The following NPAP1 variants were observed in gnomAD, a reference collection of about 807,000 sequenced individuals.
NPAP1 encodes the protein nuclear pore associated protein 1, also known as nuclear pore-associated protein 1.
For synonymous variants in NPAP1, 616 were observed against 581.4 expected (o/e 1.06, Z -0.86); for missense variants, 1,483 against 1,454.5 (o/e 1.02, Z -0.32).
Position 24,676,259 on chromosome 15 carries a change from G to T in NPAP1, c.392G>T (p.Arg131Leu), listed in dbSNP as rs1049852251. The change falls in exon 1 of 1, where the codon CGT becomes CTT. Residue 131 changes from arginine to leucine, a missense_variant. Transcript: ENST00000329468. Reference sequence around the variant, plus strand: ...TTCACTCTCCTGCTGCCTTCACCACGTGAGCCGGCGGTCAAGGCCAGGAAG... The same window carrying T: ...TTCACTCTCCTGCTGCCTTCACCACTTGAGCCGGCGGTCAAGGCCAGGAAG... ...RMFTLLLPSP[R>L]EPAVKARKPI... 6.6e-7 allele frequency: 1 copy of T among 1,518,852 alleles called. No individual in the cohort carries two copies. Among genetic ancestry groups the T allele is most frequent in the Non-Finnish European group, 8.8e-7 (1 of 1,135,488 alleles). The allele number at this position is 1,518,852 out of a possible 1,614,324, so 94.1% of individuals were successfully genotyped here. A position where few individuals can be genotyped will look rare whatever the true frequency, so the allele number is the denominator to read the frequency against.
Position 24,676,560 on chromosome 15 carries a change from C to T in NPAP1, c.693C>T (p.Ser231=), listed in dbSNP as rs754734432. ...MSEKAQASPA[S]SCLEGPAMPS... ...AGAAGGCCCAGGCGTCTCCAGCGAG[C>T]TCCTGCTTGGAAGGCCCTGCCATGC... Residue 231 remains serine, a synonymous_variant, in exon 1 of 1, where the codon AGC becomes AGT. Coordinates refer to ENST00000329468, the MANE Select transcript of NPAP1 (RefSeq NM_018958.3). 5 of 1,614,086 alleles carry T rather than the reference C, an allele frequency of 3.1e-6. No homozygotes were observed. The highest frequency in any genetic ancestry group is 4.2e-6 in the Non-Finnish European group (5 of 1,180,026).
Position 24,682,606 on chromosome 15 carries a change from G to C in NPAP1, c.*3268G>C, listed in dbSNP as rs1457576544. On this transcript the variant is annotated 3_prime_UTR_variant, in exon 1 of 1. Transcript: ENST00000329468. ...ACCACAGTTCCCTCCTCCAGAGATA[G>C]TGTTTAGCTACTTTGATGTCACTCC... 6.0e-6 allele frequency: 1 copy of C among 167,004 alleles called. No homozygotes were observed. Among genetic ancestry groups the C allele is most frequent in the Non-Finnish European group, 1.5e-5 (1 of 68,112 alleles). 10.3% of individuals were successfully genotyped at this position (167,004 alleles called of 1,614,324 possible). A position where few individuals can be genotyped will look rare whatever the true frequency, so the allele number is the denominator to read the frequency against.
chr15:24,678,734 G>T lies in NPAP1; in HGVS notation c.2867G>T (p.Gly956Val), dbSNP rs2141313332. 6.2e-7 allele frequency: 1 copy of T among 1,614,172 alleles called. No individual in the cohort carries two copies. Among genetic ancestry groups the T allele is most frequent in the South Asian group, 1.1e-5 (1 of 91,086 alleles). The change falls in exon 1 of 1, where the codon GGC (glycine) becomes GTC (valine). Residue 956 changes from glycine (G) to valine (V), a missense_variant. Transcript: ENST00000329468. Reference sequence around the variant, plus strand: ...TTAACATCACCATATACTGCATTGGGCACACCTGTTAATGCTGAGCCAGTC... The same window carrying T: ...TTAACATCACCATATACTGCATTGGTCACACCTGTTAATGCTGAGCCAGTC... ...AELTSPYTAL[G>V]TPVNAEPVEG...
In NPAP1 at chr15:24,678,518, C is replaced by A. The variant is rs2141312797; in HGVS notation, c.2651C>A (p.Thr884Asn). 6.2e-7 allele frequency: 1 copy of A among 1,614,218 alleles called. No homozygotes were observed. Among genetic ancestry groups the A allele is most frequent in the Non-Finnish European group, 8.5e-7 (1 of 1,180,048 alleles). ...SFPAQADRRP[T>N]TTSSHPLNTG... is the part of the protein sequence containing the mutation. ...CCTGCACAGGCAGATAGGAGACCAA[C>A]CACAACTTCCAGCCATCCTTTAAAT... Residue 884 changes from threonine to asparagine, a missense_variant, in exon 1 of 1, where the codon ACC (threonine) becomes AAC (asparagine). Physicochemically the swap from Thr to Asn is moderately conservative, Grantham distance 65. Coordinates refer to ENST00000329468, the MANE Select transcript of NPAP1 (RefSeq NM_018958.3).
rs374027043 is a variant in NPAP1 at position 24,678,392 on chromosome 15, C to T, written c.2525C>T (p.Ser842Phe). 2 of 1,613,912 alleles carry T rather than the reference C, an allele frequency of 1.2e-6. No individual in the cohort carries two copies. The highest frequency in any genetic ancestry group is 1.7e-6 in the Non-Finnish European group (2 of 1,180,024). The change falls in exon 1 of 1, where the codon TCC becomes TTC. Residue 842 changes from serine to phenylalanine, a missense_variant. Ser to Phe is a radical substitution (Grantham distance 155). Transcript: ENST00000329468. ...KTVILQSTFV[S>F]RKEEYIRFYM... ...GTCATCTTGCAGTCTACCTTTGTCTCCAGGAAGGAGGAGTACATCCGATTT... is the reference window on the plus strand; with the variant it reads ...GTCATCTTGCAGTCTACCTTTGTCTTCAGGAAGGAGGAGTACATCCGATTT...
rs78283094 is a variant in NPAP1, at chr15:24,679,986, T to G, written c.*648T>G. On this transcript the variant is annotated 3_prime_UTR_variant, in exon 1 of 1. Transcript: ENST00000329468. The stretch of plus-strand genomic sequence containing the variant: ...AACCAGCATTGTTTTTGTTTTGGTT[T>G]GTTTGTTTGTTTGTTTGTTTGTTTG... 0.2 allele frequency: 21,210 copies of G among 108,364 alleles called. 1,799 individuals are homozygous for G. The highest frequency in any genetic ancestry group is 0.39 in the African/African-American group (9,602 of 24,390). The allele number at this position is 108,364 out of a possible 1,614,324, so 6.7% of individuals were successfully genotyped here.
chr15:24,676,856 T>C lies in NPAP1; in HGVS notation c.989T>C (p.Met330Thr), dbSNP rs2141308962. Residue 330 changes from methionine to threonine, a missense_variant, in exon 1 of 1, where the codon ATG (methionine) becomes ACG (threonine). Met to Thr is a moderately conservative substitution (Grantham distance 81). Transcript: ENST00000329468. ...AARNRPCKRK[M>T]SIPLLLPLPP... ...CGCAACAGGCCCTGCAAAAGGAAAA[T>C]GTCGATTCCATTGCTGCTGCCGCTG... 1 of 1,613,164 alleles carries C rather than the reference T, an allele frequency of 6.2e-7. No homozygotes were observed. Among genetic ancestry groups the C allele is most frequent in the Non-Finnish European group, 8.5e-7 (1 of 1,179,994 alleles).
Position 24,676,158 on chromosome 15 carries a change from A to C in NPAP1, c.291A>C (p.Thr97=), listed in dbSNP as rs1595614761. The C allele has an allele frequency of 6.3e-7, 1 of 1,576,822 alleles. No homozygotes were observed. The highest frequency in any genetic ancestry group is 8.6e-7 in the Non-Finnish European group (1 of 1,163,808). The change falls in exon 1 of 1, where the codon ACA becomes ACC. Residue 97 remains threonine, a synonymous_variant. Transcript: ENST00000329468. ...AVGWGLAIRK[T]PMLPARNPPR... ...GTTGGGGGCTGGCCATCAGGAAGAC[A>C]CCCATGCTGCCTGCTCGGAACCCCC...
chr15:24,676,686 GC>G, the NPAP1 span: 1 of 1,614,100 alleles, frequency 6.2e-7, no homozygotes, highest in Non-Finnish European at 8.5e-7. Flanking sequence ...CCCTGCTGCA[GC>G]AGAAGTTGGC....
At position 24,683,009 on chromosome 15, in the gene NPAP1, A is replaced by G. The variant is rs1377411378; in HGVS notation, c.*3671A>G. On this transcript the variant is annotated 3_prime_UTR_variant, in exon 1 of 1. Transcript: ENST00000329468. ...AATATCTGCTAGTCATAATAAAGAAATCAATGTACTTTATGTTCTTAGCTC... is the reference window on the plus strand; with the variant it reads ...AATATCTGCTAGTCATAATAAAGAAGTCAATGTACTTTATGTTCTTAGCTC... 6.0e-6 allele frequency: 1 copy of G among 167,004 alleles called. No homozygotes were observed. The highest frequency in any genetic ancestry group is 1.5e-5 in the Non-Finnish European group (1 of 68,522). The allele number at this position is 167,004 out of a possible 1,614,324, so 10.3% of individuals were successfully genotyped here. A position where few individuals can be genotyped will look rare whatever the true frequency, so the allele number is the denominator to read the frequency against.
At position 24,678,426 on chromosome 15, in the gene NPAP1, G is replaced by A. The variant is rs1186034359; in HGVS notation, c.2559G>A (p.Gly853=). The A allele has an allele frequency of 1.2e-6, 2 of 1,613,902 alleles. No homozygotes were observed. The highest frequency in any genetic ancestry group is 1.7e-6 in the Non-Finnish European group (2 of 1,180,008). Residue 853 remains glycine, a synonymous_variant, in exon 1 of 1, where the codon GGG becomes GGA. Coordinates refer to ENST00000329468, the MANE Select transcript of NPAP1 (RefSeq NM_018958.3). ...RKEEYIRFYM[G]LPGSGNTLHS... ...AGGAGTACATCCGATTTTATATGGG[G>A]CTTCCTGGTTCTGGGAACACACTAC...
At chr15:24,679,318 GTC>G in the NPAP1 span, 3 of 1,612,504 alleles carry the variant, frequency 1.9e-6, no homozygotes. Context: ...TAGGAGACAT[GTC>G]TGTTTCCAAC....
chr15:24,681,816 T>TGATAGATAGACAGATAGATAGATAGATA lies in NPAP1; in HGVS notation c.*2488_*2489insCAGATAGATAGATAGATAGATAGATAGA, dbSNP rs2049019240. The TGATAGATAGACAGATAGATAGATAGATA allele has an allele frequency of 6.1e-6, 1 of 164,848 alleles. No homozygotes were observed. Among genetic ancestry groups the TGATAGATAGACAGATAGATAGATAGATA allele is most frequent in the Admixed American group, 6.6e-5 (1 of 15,082 alleles). The allele number at this position is 164,848 out of a possible 1,614,324, so 10.2% of individuals were successfully genotyped here. On this transcript the variant is annotated 3_prime_UTR_variant, in exon 1 of 1. Transcript: ENST00000329468. ...TACATAGATAGATGATAGAGATAGATGATAGATAGATAGATAGATAGATAG... is the reference window on the plus strand; with the variant it reads ...TACATAGATAGATGATAGAGATAGATGATAGATAGACAGATAGATAGATAGATAGATAGATAGATAGATAGATAGATAG...
rs751966310 is a variant in NPAP1, at chr15:24,676,116, G to C, written c.249G>C (p.Gly83=). Residue 83 remains glycine, a synonymous_variant, in exon 1 of 1, where the codon GGG becomes GGC. Coordinates refer to ENST00000329468, the MANE Select transcript of NPAP1 (RefSeq NM_018958.3). ...CTCGGGCTGCGGCCGCCCCTCTGGG[G>C]GTCCTGCCGGCTGTGGGTTGGGGGC... ...PLPRAAAAPL[G]VLPAVGWGLA... 2.6e-6 allele frequency: 4 copies of C among 1,565,694 alleles called. No homozygotes were observed. The highest frequency in any genetic ancestry group is 3.5e-6 in the Non-Finnish European group (4 of 1,158,792).
In NPAP1 at chr15:24,675,993, C is replaced by A. The variant is rs2141307042; in HGVS notation, c.126C>A (p.Pro42=). The stretch of plus-strand genomic sequence containing the variant: ...CGCCCGGTCGGGCTCACTCTGTACC[C>A]ACCCCGCGCCCTTTCCGCGGCCTGT... ...ASPPGRAHSV[P]TPRPFRGLFR... is the part of the protein sequence containing the mutation. The change falls in exon 1 of 1, where the codon CCC becomes CCA. Residue 42 remains proline, a synonymous_variant. Coordinates refer to ENST00000329468, the MANE Select transcript of NPAP1 (RefSeq NM_018958.3). 2 of 1,600,814 alleles carry A rather than the reference C, an allele frequency of 1.2e-6. No homozygotes were observed. The highest frequency in any genetic ancestry group is 1.7e-6 in the Non-Finnish European group (2 of 1,174,966).
Position 24,677,134 on chromosome 15 carries a change from C to T in NPAP1, c.1267C>T (p.Pro423Ser), listed in dbSNP as rs2141309670. 1 of 1,614,138 alleles carries T rather than the reference C, an allele frequency of 6.2e-7. No individual in the cohort carries two copies. The highest frequency in any genetic ancestry group is 1.1e-5 in the South Asian group (1 of 91,082). The change falls in exon 1 of 1, where the codon CCT (proline) becomes TCT (serine). Residue 423 changes from proline (P) to serine (S), a missense_variant. Transcript: ENST00000329468. ...LTTYTSQVSA[P>S]LPIPDLADLA... The stretch of plus-strand genomic sequence containing the variant: ...CACTTACACTTCCCAGGTCTCAGCT[C>T]CTTTGCCCATCCCTGACTTGGCTGA...
Position 24,677,929 on chromosome 15 carries a change from G to A in NPAP1, c.2062G>A (p.Ala688Thr), listed in dbSNP as rs2141311448. The change falls in exon 1 of 1, where the codon GCA becomes ACA. Residue 688 changes from alanine (A) to threonine (T), a missense_variant. Physicochemically the swap from Ala to Thr is moderately conservative, Grantham distance 58. Transcript: ENST00000329468. ...TSTLVNSAST[A>T]SSSKPPIETN... ...CACTTTAGTGAACAGTGCCTCTACA[G>A]CATCATCATCCAAACCTCCCATTGA... 1.2e-6 allele frequency: 2 copies of A among 1,613,484 alleles called. No homozygotes were observed. The highest frequency in any genetic ancestry group is 2.2e-5 in the East Asian group (1 of 44,806).
chr15:24,678,646 G>T lies in NPAP1; in HGVS notation c.2779G>T (p.Gly927Cys), dbSNP rs2141313085. ...TCCAGCAACCCCAGCACCAGTTATA[G>T]GCTTAACATCTCCTTCAGTCCAGCC... ...GNPATPAPVI[G>C]LTSPSVQPLS... The change falls in exon 1 of 1, where the codon GGC becomes TGC. Residue 927 changes from glycine (G) to cysteine (C), a missense_variant. Gly to Cys is a radical substitution (Grantham distance 159, BLOSUM62 -3). Transcript: ENST00000329468. 6.2e-7 allele frequency: 1 copy of T among 1,614,062 alleles called. No homozygotes were observed. Among genetic ancestry groups the T allele is most frequent in the Non-Finnish European group, 8.5e-7 (1 of 1,180,036 alleles).
chr15:24,676,382 A>G lies in NPAP1; in HGVS notation c.515A>G (p.Glu172Gly), dbSNP rs757328409. Residue 172 changes from glutamate to glycine, a missense_variant, in exon 1 of 1, where the codon GAG becomes GGG. Physicochemically the swap from Glu to Gly is moderately conservative, Grantham distance 98. Coordinates refer to ENST00000329468, the MANE Select transcript of NPAP1 (RefSeq NM_018958.3). ...KDEDPVQIEG[E>G]DDEKRTPLSS... ...GAGGATCCGGTGCAGATCGAAGGGG[A>G]GGATGACGAGAAAAGGACCCCCCTT... 1 of 1,564,952 alleles carries G rather than the reference A, an allele frequency of 6.4e-7. No homozygotes were observed.
Sources: allele counts gnomAD v4.1 joint callset, GRCh38; gene constraint gnomAD v4.1.1; transcripts MANE v1.5; gene names NCBI Gene and HGNC (gene_info 2026-07-23, HGNC 2026-07-21).